Variants in PCLO observed in about 807,000 individuals in gnomAD.
PCLO encodes piccolo presynaptic cytomatrix protein.
A neutral mutation model predicts 427.5 loss-of-function variants in PCLO; 82 were observed. The observed-to-expected ratio is 0.19, with a 90% CI of 0.16 to 0.23. PCLO has a LOEUF of 0.23. Ranked by LOEUF, PCLO falls within the 10% of genes least tolerant of loss-of-function variation. The probability of loss-of-function intolerance (pLI) is 1.00; values close to 1 mark genes in which losing one functional copy is unlikely to be tolerated. For synonymous variants in PCLO, 2,357 were observed against 2,155.4 expected (o/e 1.09, Z -2.59); for missense variants, 6,239 against 6,115.9 (o/e 1.02, Z -0.67).
At chr7:82,936,874 T>C (rs1484735550) in intron 6 of PCLO, among the ~76,000 whole-genome samples, 1 of 151,690 alleles carries the variant, frequency 6.6e-6, no homozygotes, top group Non-Finnish European at 1.5e-5. Context: ...AAAATGTTAT[T>C]TGAAGTGAGA....
chr7:82,877,783 A>G (rs1475296623), intron 10 of PCLO, among the ~76,000 whole-genome samples: 4 of 152,136 alleles, frequency 2.6e-5, no homozygotes, highest in African/African-American at 9.7e-5. Flanking sequence ...CTCGTGCCTC[A>G]GCCTCCCGAA....
In PCLO at chr7:82,868,273, G is replaced by A. The variant is rs1793145225; in HGVS notation, c.13654+11064C>T. ...GAGCATTCTTCCTTATGTTATGCTG[G>A]AGTGCGTCCTCTGTCCTCTAGTAAT... is the stretch of plus-strand genomic sequence containing the variant. On this transcript the variant is annotated intron_variant, in intron 10 of 24. Coordinates refer to ENST00000333891, the MANE Select transcript of PCLO (RefSeq NM_033026.6). The A allele has an allele frequency of 1.1e-5, 5 of 455,230 alleles. No individual in the cohort carries two copies. The Admixed American group carries it at 1.2e-4, about 11-fold the overall frequency. 28.2% of individuals were successfully genotyped at this position (455,230 alleles called of 1,614,324 possible). A position where few individuals can be genotyped will look rare whatever the true frequency, so the allele number is the denominator to read the frequency against.
intron 3 of PCLO, among the ~76,000 whole-genome samples, chr7:83,094,101 A>C (rs1790464987): frequency 6.6e-6 from 1 of 150,892 alleles, no homozygotes; most frequent in Non-Finnish European, 1.5e-5. Context: ...TCCTTCCTTA[A>C]CCTTCGGCCA....
chr7:82,816,413 T>G (rs1314393632), intron 20 of PCLO, among the ~76,000 whole-genome samples: 2 of 152,180 alleles, frequency 1.3e-5, no homozygotes, highest in African/African-American at 4.8e-5. Flanking sequence ...TGCCCCCCAC[T>G]GTGTCTCCAT....
At chr7:82,909,232 T>C (rs538275253) in intron 7 of PCLO, among the ~76,000 whole-genome samples, 1 of 152,234 alleles carries the variant, frequency 6.6e-6, no homozygotes, top group East Asian at 1.9e-4. Flanking sequence ...GAAAAAATGA[T>C]GCACACAGAT....
chr7:83,136,938 T>C (rs1197268442), intron 2 of PCLO, among the ~76,000 whole-genome samples: 3 of 152,276 alleles, frequency 2.0e-5, no homozygotes, highest in South Asian at 2.1e-4. Context: ...TGTTTCCTTA[T>C]AATAGATTAT....
chr7:83,023,376 G>C (rs1779522003), intron 3 of PCLO, among the ~76,000 whole-genome samples: 1 of 152,128 alleles, frequency 6.6e-6, no homozygotes, highest in Middle Eastern at 3.2e-3. Flanking sequence ...ACACTCAATA[G>C]AGGTGGTTAA....
At chr7:82,868,011 C>T (rs1793139009) in intron 10 of PCLO, 2 of 378,972 alleles carry the variant, frequency 5.3e-6, no homozygotes, top group South Asian at 2.0e-5. Context: ...ATTAGAAAAT[C>T]TTCATATCAA....
At chr7:82,777,988 G>T (rs1790789391) in intron 22 of PCLO, among the ~76,000 whole-genome samples, 1 of 152,118 alleles carries the variant, frequency 6.6e-6, no homozygotes. Flanking sequence ...TACAGAATGG[G>T]AGAAAATTTT....
intron 22 of PCLO, among the ~76,000 whole-genome samples, chr7:82,772,296 T>G (rs1274707003): frequency 1.3e-5 from 2 of 151,972 alleles, no homozygotes; most frequent in Admixed American, 1.3e-4. Context: ...ATTTCGGATA[T>G]TTTTTTTCAA....
At chr7:83,092,692 G>A (rs1735070300) in intron 3 of PCLO, among the ~76,000 whole-genome samples, 1 of 152,090 alleles carries the variant, frequency 6.6e-6, no homozygotes. Flanking sequence ...GCTCATGCCT[G>A]TAATCCCAGC....
chr7:82,775,405 T>C (rs780579409), intron 22 of PCLO, among the ~76,000 whole-genome samples: 1 of 152,192 alleles, frequency 6.6e-6, no homozygotes, highest in African/African-American at 2.4e-5. Context: ...CATTTGGTGG[T>C]GCCAGTGTTC....
Position 82,950,271 on chromosome 7 carries a change from C to T in PCLO, c.10317G>A (p.Lys3439=). 1 of 1,613,374 alleles carries T rather than the reference C, an allele frequency of 6.2e-7. No individual in the cohort carries two copies. Among genetic ancestry groups the T allele is most frequent in the Non-Finnish European group, 8.5e-7 (1 of 1,179,796 alleles). Residue 3439 remains lysine, a synonymous_variant, in exon 6 of 25, where the codon AAG becomes AAA. Transcript: ENST00000333891. ...CCGTTTGTACACCACTGTCCACTATCTTTTTAAAACTTCGGGGATCATCTG... is the reference window on the plus strand; with the variant it reads ...CCGTTTGTACACCACTGTCCACTATTTTTTTAAAACTTCGGGGATCATCTG... ...NMTDDPRSFK[K]IVDSGVQTDD... is the part of the protein sequence containing the mutation.
intron 3 of PCLO, among the ~76,000 whole-genome samples, chr7:83,063,644 T>C (rs1044496964): frequency 6.6e-6 from 1 of 152,114 alleles, no homozygotes; most frequent in Non-Finnish European, 1.5e-5. Flanking sequence ...CATTTTTGAC[T>C]TAGGATACTT....
chr7:83,068,524 A>C (rs1325602189), intron 3 of PCLO, among the ~76,000 whole-genome samples: 1 of 152,182 alleles, frequency 6.6e-6, no homozygotes, highest in Admixed American at 6.5e-5. Context: ...CAGGTATGTG[A>C]AAAGGTTCTC....
intron 1 of PCLO, among the ~76,000 whole-genome samples, chr7:83,160,826 G>T (rs924682387): frequency 6.6e-6 from 1 of 151,980 alleles, no homozygotes; most frequent in African/African-American, 2.4e-5. Flanking sequence ...GTGCCTCTTA[G>T]GAAAAAATAT....
At chr7:82,857,442 T>A (rs970237017) in intron 10 of PCLO, among the ~76,000 whole-genome samples, 1 of 152,160 alleles carries the variant, frequency 6.6e-6, no homozygotes. Flanking sequence ...TAACTGTTAC[T>A]TAAATGTATC....
In PCLO at chr7:82,977,058, T is replaced by C. The variant is rs146855821; in HGVS notation, c.3301-10571A>G. Among the ~76,000 whole-genome samples the C allele has an allele frequency of 3.0e-3, 452 of 152,060 alleles. 1 individual carries two copies. Among genetic ancestry groups the C allele is most frequent in the African/African-American group, 0.01 (426 of 41,504 alleles). ...TGTAAATTAGATATAAAATAAAAAT[T>C]CGAAAAAATTTTTAAAGGAGTGTAT... is the stretch of plus-strand genomic sequence containing the variant. On this transcript the variant is annotated intron_variant, in intron 3 of 24. Coordinates refer to ENST00000333891, the MANE Select transcript of PCLO (RefSeq NM_033026.6).
In PCLO at chr7:82,949,505, C is replaced by T; in HGVS notation, c.11083G>A (p.Ala3695Thr). 3.7e-6 allele frequency: 6 copies of T among 1,609,440 alleles called. No homozygotes were observed. The highest frequency in any genetic ancestry group is 4.2e-6 in the Non-Finnish European group (5 of 1,177,788). ...TAGCCCTCGGTATACTGAAAAGGAGCCCTGGAACTTTCGTCTGCTGTTGGA... is the reference window on the plus strand; with the variant it reads ...TAGCCCTCGGTATACTGAAAAGGAGTCCTGGAACTTTCGTCTGCTGTTGGA... The part of the protein sequence containing the change: ...LSPTADESSR[A>T]PFQYTEGYTT... Residue 3695 changes from alanine to threonine, a missense_variant, in exon 6 of 25, where the codon GCT becomes ACT. By Grantham distance (58) the Ala-to-Thr change is moderately conservative. Coordinates refer to ENST00000333891, the MANE Select transcript of PCLO (RefSeq NM_033026.6).
Sources: gnomAD v4.1 joint callset for allele counts (sites outside exome capture counted in the v4.1 genomes callset) on GRCh38, gnomAD v4.1.1 for gene constraint, MANE v1.5 for transcripts, NCBI Gene and HGNC (gene_info 2026-07-23, HGNC 2026-07-21) for gene names.